NXPE1: variants seen among roughly 807,000 people sequenced by gnomAD.
NXPE1 encodes neurexophilin and PC-esterase domain family member 1.
Under a neutral mutation model 33.3 loss-of-function variants are expected in NXPE1, and 31 were observed. The observed-to-expected ratio is 0.93, with a 90% CI of 0.70 to 1.26. The LOEUF (loss-of-function observed/expected upper bound fraction) is 1.26. NXPE1 is among the 50% of genes most tolerant of loss of function. NXPE1 has a pLI of 0.00. For missense variants in NXPE1, 661 were observed against 655.6 expected, an observed-to-expected ratio of 1.01 and a Z score of -0.09; for synonymous variants, 229 against 231.4, an observed-to-expected ratio of 0.99 and a Z score of 0.09.
chr11:114,537,195 A>G (rs1034282687), intron 5 of NXPE1, among the ~76,000 whole-genome samples: 1 of 152,238 alleles, frequency 6.6e-6, no homozygotes, highest in African/African-American at 2.4e-5. Flanking sequence ...GATTATCTCA[A>G]TAGATGCAGA....
intron 5 of NXPE1, among the ~76,000 whole-genome samples, chr11:114,535,723 A>G (rs1947793084): frequency 6.6e-6 from 1 of 152,146 alleles, no homozygotes; most frequent in African/African-American, 2.4e-5. Flanking sequence ...ATTCAACAAG[A>G]AGAACTAGCT....
intron 7 of NXPE1, among the ~76,000 whole-genome samples, chr11:114,524,678 G>A (rs1947315201): frequency 6.6e-6 from 1 of 152,204 alleles, no homozygotes; most frequent in South Asian, 2.1e-4. Context: ...TCCTAATAAT[G>A]TACTGGCACA....
At chr11:114,542,333 A>T (rs1448362140) in intron 5 of NXPE1, among the ~76,000 whole-genome samples, 1 of 152,194 alleles carries the variant, frequency 6.6e-6, no homozygotes, top group African/African-American at 2.4e-5. Context: ...TAATGAAAAC[A>T]TTAGAATTCA....
At chr11:114,530,984 T>C in intron 5 of NXPE1, 76 bp from the exon 6 acceptor site, 6 of 1,367,452 alleles carry the variant, frequency 4.4e-6, no homozygotes, top group Non-Finnish European at 5.8e-6. Flanking sequence ...GTTTGAATAT[T>C]TGTTTACAGT....
rs765523779 is a variant in NXPE1, at chr11:114,530,219, T to C, written c.789A>G (p.Arg263=). Residue 263 remains arginine (R), a synonymous_variant, in exon 6 of 9, where the codon AGA becomes AGG. Coordinates refer to ENST00000534921, the Ensembl canonical transcript of NXPE1. ...CCTTGTCTGTAAGATAAGATACCTC[T>C]CTATTCCGGGTGGTCATGTAGGTCA... 23 of 1,613,268 alleles carry C rather than the reference T, an allele frequency of 1.4e-5. No homozygotes were observed. In the East Asian group the frequency reaches 4.2e-4, roughly 30 times the overall value.
intron 1 of NXPE1, among the ~76,000 whole-genome samples, chr11:114,553,481 GCTT>G (rs1461622394): frequency 6.6e-6 from 1 of 152,278 alleles, no homozygotes; most frequent in Admixed American, 6.5e-5. Context: ...TGGCCAGAGA[GCTT>G]CTTTGTCAGA....
chr11:114,559,563 C>A (rs1186737383), intron 1 of NXPE1, among the ~76,000 whole-genome samples: 4 of 151,788 alleles, frequency 2.6e-5, no homozygotes, highest in Non-Finnish European at 1.5e-5. Context: ...GCTGTCTCAC[C>A]GTCAAAACCA....
At chr11:114,557,840 TC>T (rs1185980317) in intron 1 of NXPE1, among the ~76,000 whole-genome samples, 2 of 151,762 alleles carry the variant, frequency 1.3e-5, no homozygotes, top group Admixed American at 1.3e-4. Context: ...TTTTAAAAAA[TC>T]TTATTTTGCT....
intron 7 of NXPE1, among the ~76,000 whole-genome samples, chr11:114,525,573 C>G (rs1006340446): frequency 2.0e-5 from 3 of 152,094 alleles, no homozygotes; most frequent in Non-Finnish European, 4.4e-5. Context: ...CCCCTTCCCC[C>G]CTTACTATTC....
In NXPE1 at chr11:114,522,110, A is replaced by ATAAG; in HGVS notation, c.1498_1501dup (p.Ile501ThrfsTer16). The ATAAG allele has an allele frequency of 6.2e-7, 1 of 1,614,084 alleles. No homozygotes were observed. The highest frequency in any genetic ancestry group is 1.1e-5 in the South Asian group (1 of 91,086). Reference sequence around the variant, plus strand: ...GAGGTCTTTGAAAATATCCTTCATGATAAGATAGTGAATATAACCATGGAA... The same window carrying ATAAG: ...GAGGTCTTTGAAAATATCCTTCATGATAAGTAAGATAGTGAATATAACCATGGAA... On this transcript the variant is annotated frameshift_variant, in exon 9 of 9. Transcript: ENST00000534921. LOFTEE classifies it low-confidence loss of function (END_TRUNC).
chr11:114,536,094 A>AG lies in NXPE1; in HGVS notation c.100-5187dup, dbSNP rs1947811073. Reference sequence around the variant, plus strand: ...TATAACAAACTGTCTCTCAGACCACAGTGCAATCAAACTAGAACTCAGGAT... The same window carrying AG: ...TATAACAAACTGTCTCTCAGACCACAGGTGCAATCAAACTAGAACTCAGGAT... On this transcript the variant is annotated intron_variant, in intron 5 of 8. Transcript: ENST00000534921. Among the ~76,000 whole-genome samples, 34 of 152,338 alleles carry AG rather than the reference A, an allele frequency of 2.2e-4. No homozygotes were observed. The South Asian group carries it at 6.2e-3, about 28-fold the overall frequency.
intron 7 of NXPE1, among the ~76,000 whole-genome samples, chr11:114,524,600 T>G (rs187006427): frequency 1.4e-3 from 213 of 152,290 alleles, no homozygotes; most frequent in Middle Eastern, 3.4e-3. Flanking sequence ...CTTGATAGCA[T>G]TGCACCCTAG....
At chr11:114,522,974 A>T (rs1353737208) in exon 8 of NXPE1, 2 of 1,613,600 alleles carry the variant, frequency 1.2e-6, no homozygotes, top group Admixed American at 1.7e-5. Flanking sequence ...ATTTATCTTA[A>T]TTGTGTCTAA....
downstream of NXPE1, among the ~76,000 whole-genome samples, chr11:114,519,341 G>C (rs374796605): frequency 2.6e-5 from 4 of 152,048 alleles, no homozygotes; most frequent in South Asian, 2.1e-4. Flanking sequence ...ACTTATTCCT[G>C]GTTGTAGATT....
intron 5 of NXPE1, among the ~76,000 whole-genome samples, chr11:114,536,046 A>G (rs1448709649): frequency 1.3e-5 from 2 of 152,244 alleles, no homozygotes; most frequent in Non-Finnish European, 2.9e-5. Flanking sequence ...AGCACTCCTC[A>G]GCAAATGTAA....
intron 1 of NXPE1, among the ~76,000 whole-genome samples, chr11:114,555,533 A>G (rs1292432955): frequency 6.6e-6 from 1 of 152,138 alleles, no homozygotes; most frequent in African/African-American, 2.4e-5. Flanking sequence ...CCAAGAATAC[A>G]TGCATTTTAA....
At chr11:114,522,270 C>T (rs2134891409) in exon 9 of NXPE1, 1 of 1,613,998 alleles carries the variant, frequency 6.2e-7, no homozygotes, top group Non-Finnish European at 8.5e-7. Context: ...ATAAAAATGT[C>T]AATGGGAAAT....
intron 5 of NXPE1, among the ~76,000 whole-genome samples, chr11:114,536,974 C>T (rs1003661082): frequency 3.3e-5 from 5 of 151,886 alleles, no homozygotes; most frequent in Non-Finnish European, 7.4e-5. Context: ...AGAGACACAA[C>T]AAAAAAAGAG....
At chr11:114,530,782 T>C (rs966546911) in exon 6 of NXPE1, 1 of 1,614,106 alleles carries the variant, frequency 6.2e-7, no homozygotes, top group Non-Finnish European at 8.5e-7. Flanking sequence ...TTCTCTATGA[T>C]TTCCTTTATT....
Sources: gnomAD v4.1 joint callset for allele counts (sites outside exome capture counted in the v4.1 genomes callset) on GRCh38, gnomAD v4.1.1 for gene constraint, MANE v1.5 for transcripts, NCBI Gene and HGNC (gene_info 2026-07-23, HGNC 2026-07-21) for gene names.